Variants in CSAG1 observed in about 807,000 individuals in gnomAD.
CSAG1 encodes the protein chondrosarcoma associated gene 1, also known as chondrosarcoma-associated gene 1 protein.
In CSAG1, 4 loss-of-function variants were observed where a neutral mutation model predicts 4.8. The ratio of observed to expected loss-of-function variants is 0.83; its 90% CI spans 0.41 to 1.90. The LOEUF (loss-of-function observed/expected upper bound fraction) is 1.90. CSAG1 is among the 40% of genes most tolerant of loss of function. The probability of loss-of-function intolerance (pLI) is 0.03; values close to 1 mark genes in which losing one functional copy is unlikely to be tolerated. For missense variants in CSAG1, 69 were observed against 59.5 expected, an observed-to-expected ratio of 1.16 and a Z score of -0.53; for synonymous variants, 21 against 23.1, an observed-to-expected ratio of 0.91 and a Z score of 0.26.
chrX:152,730,706 G>A (rs1245190030), intron 2 of CSAG1, among the ~76,000 whole-genome samples: 1 of 112,339 alleles, frequency 8.9e-6, no homozygotes, highest in South Asian at 3.7e-4. Context: ...CTAAGACAAT[G>A]GCAAGAGGCA....
At chrX:152,731,782 T>A (rs1267844464) in intron 2 of CSAG1, among the ~76,000 whole-genome samples, 3 of 110,047 alleles carry the variant, frequency 2.7e-5, no homozygotes, top group Non-Finnish European at 5.7e-5. Flanking sequence ...GGAGAAAAAA[T>A]TTGATCCTGT....
intron 2 of CSAG1, among the ~76,000 whole-genome samples, chrX:152,729,041 G>T (rs2515846): frequency 9.2e-6 from 1 of 108,450 alleles, no homozygotes; most frequent in African/African-American, 3.3e-5. Context: ...AGACACATAG[G>T]TTAATAAAAC....
intron 2 of CSAG1, among the ~76,000 whole-genome samples, chrX:152,729,518 G>A (rs1485235322): frequency 4.5e-5 from 5 of 112,186 alleles, no homozygotes; most frequent in Non-Finnish European, 7.5e-5. Flanking sequence ...TTAAAGCTCA[G>A]CGATAGAAAA....
chrX:152,730,285 G>A (rs1932130488), intron 2 of CSAG1, among the ~76,000 whole-genome samples: 1 of 111,581 alleles, frequency 9.0e-6, no homozygotes. Context: ...AAGCACAGGG[G>A]ATTTATCAGG....
intron 3 of CSAG1, 105 bp downstream of exon 3, chrX:152,727,969 G>C (rs2124962681): frequency 5.0e-6 from 6 of 1,200,238 alleles, no homozygotes; most frequent in South Asian, 3.5e-5. Flanking sequence ...GCTGGGGTGG[G>C]GGTTGTGCCA....
At chrX:152,728,387 CTACAAAA>C (rs1433352290) in intron 2 of CSAG1, among the ~76,000 whole-genome samples, 163 bp from the exon 3 acceptor site, 5 of 112,399 alleles carry the variant, frequency 4.4e-5, no homozygotes, top group Admixed American at 9.4e-5. Flanking sequence ...TTGATCACAT[CTACAAAA>C]TACCTTCACA....
Position 152,728,547 on chromosome X carries a change from G to A in CSAG1, c.17-323C>T, listed in dbSNP as rs56021631. Among the ~76,000 whole-genome samples, 6 of 107,411 alleles carry A rather than the reference G, an allele frequency of 5.6e-5. No homozygotes were observed. In the South Asian group the frequency reaches 1.6e-3, roughly 28 times the overall value. The allele number at this position is 107,411 out of a possible 115,157, so 93.3% of individuals were successfully genotyped here. A position where few individuals can be genotyped will look rare whatever the true frequency, so the allele number is the denominator to read the frequency against. On this transcript the variant is annotated intron_variant, in intron 2 of 3. Coordinates refer to ENST00000452779, the MANE Select transcript of CSAG1 (RefSeq NM_001102576.3). ...CCGCAATCTTAAATGCCAAAATTAC[G>A]GGCTTTTTTTCTAGGAGGAAACAAA...
intron 2 of CSAG1, 31 bp from the exon 3 acceptor site, chrX:152,728,255 T>C (rs1308897040): frequency 2.5e-6 from 3 of 1,187,811 alleles, no homozygotes; most frequent in Non-Finnish European, 3.4e-6. Context: ...ATTATGTTAG[T>C]CTTGTGGTAG....
intron 2 of CSAG1, among the ~76,000 whole-genome samples, chrX:152,729,949 C>G (rs1932119340): frequency 2.1e-5 from 2 of 95,129 alleles, no homozygotes; most frequent in African/African-American, 7.8e-5. Flanking sequence ...TCACAATCAC[C>G]AAAAATAGCA....
rs1932180365 is a variant in CSAG1, at chrX:152,732,476, G to T, written c.-16C>A. On this transcript the variant is annotated 5_prime_UTR_variant, in exon 2 of 4. Coordinates refer to ENST00000452779, the MANE Select transcript of CSAG1 (RefSeq NM_001102576.3). ...TCGCCGACATTACAAGCAAATTTGG[G>T]CTGCTGTGCTCTGCTTCCCAAATCA... is the stretch of plus-strand genomic sequence containing the variant. The T allele has an allele frequency of 1.7e-6, 2 of 1,207,888 alleles. No individual in the cohort carries two copies. The highest frequency in any genetic ancestry group is 1.1e-6 in the Non-Finnish European group (1 of 894,337).
At chrX:152,732,534 TA>T in intron 1 of CSAG1, 30 bp from the exon 2 acceptor site, 1 of 1,204,050 alleles carries the variant, frequency 8.3e-7, no homozygotes, top group Non-Finnish European at 1.1e-6. Context: ...AAACAGAAAG[TA>T]AAAAACCAGT....
chrX:152,729,183 A>C (rs1932097887), intron 2 of CSAG1, among the ~76,000 whole-genome samples: 1 of 111,221 alleles, frequency 9.0e-6, no homozygotes, highest in African/African-American at 3.3e-5. Flanking sequence ...AATTATAATA[A>C]CCTGGACATA....
At chrX:152,728,734 C>A (rs1932081143) in intron 2 of CSAG1, among the ~76,000 whole-genome samples, 1 of 111,517 alleles carries the variant, frequency 9.0e-6, no homozygotes, top group African/African-American at 3.3e-5. Flanking sequence ...CTGGTGATGG[C>A]CTTATTCCTG....
intron 2 of CSAG1, among the ~76,000 whole-genome samples, chrX:152,730,798 A>T (rs1264788173): frequency 8.9e-6 from 1 of 112,420 alleles, no homozygotes; most frequent in Non-Finnish European, 1.9e-5. Flanking sequence ...AAGAGGTTGG[A>T]GAATCACAGA....
chrX:152,732,583 C>A, intron 1 of CSAG1, 79 bp from the exon 2 acceptor site: 1 of 1,110,827 alleles, frequency 9.0e-7, no homozygotes, highest in Admixed American at 2.3e-5. Context: ...CAGGGCCAGT[C>A]CAGGGTGAGA....
intron 2 of CSAG1, among the ~76,000 whole-genome samples, chrX:152,729,999 T>TATATATATATATATATATAC (rs1483779125): frequency 1.3e-5 from 1 of 75,505 alleles, no homozygotes; most frequent in African/African-American, 4.6e-5. Flanking sequence ...GGATTATATA[T>TATATATATATATATATATAC]ATATATATAT....
rs1437308781 is a variant in CSAG1, at chrX:152,731,188, G to C, written c.16+1257C>G. On this transcript the variant is annotated intron_variant, in intron 2 of 3. Transcript: ENST00000452779. The stretch of plus-strand genomic sequence containing the variant: ...TTGCTGTGTATTTAAAGTTGTTCAT[G>C]CTCGGTATCAAGTATCCTGGGTTCA... 2.7e-5 allele frequency among the ~76,000 whole-genome samples: 3 copies of C among 111,645 alleles called. No homozygotes were observed. The Admixed American group carries it at 2.9e-4, about 11-fold the overall frequency.
chrX:152,732,367 T>C, intron 2 of CSAG1, 78 bp downstream of exon 2: 1 of 1,136,849 alleles, frequency 8.8e-7, no homozygotes, highest in South Asian at 2.2e-5. Flanking sequence ...TAGAGGAGTA[T>C]AACATATTCA....
chrX:152,727,632 G>C lies in CSAG1; in HGVS notation c.*162C>G, dbSNP rs1475865333. On this transcript the variant is annotated 3_prime_UTR_variant, in exon 4 of 4. Coordinates refer to ENST00000452779, the MANE Select transcript of CSAG1 (RefSeq NM_001102576.3). ...ACTTGAAGTCTCTGGCCTTGCCTGG[G>C]AATTACTGGCTGCCCAAGGAAGCAC... is the stretch of plus-strand genomic sequence containing the variant. The C allele has an allele frequency of 3.5e-5, 22 of 637,445 alleles. No individual in the cohort carries two copies. In the African/African-American group the frequency reaches 4.8e-4, roughly 14 times the overall value. The allele number at this position is 637,445 out of a possible 1,213,427, so 52.5% of individuals were successfully genotyped here.
Sources: allele counts gnomAD v4.1 joint callset (sites outside exome capture counted in the v4.1 genomes callset), GRCh38; gene constraint gnomAD v4.1.1; transcripts MANE v1.5; gene names NCBI Gene and HGNC (gene_info 2026-07-23, HGNC 2026-07-21).